GALNT10: variants seen among roughly 807,000 people sequenced by gnomAD.
The protein encoded by GALNT10 is polypeptide N-acetylgalactosaminyltransferase 10.
Under a neutral mutation model 75.0 loss-of-function variants are expected in GALNT10, and 41 were observed. That is an observed-to-expected ratio of 0.55 (90% CI 0.43 to 0.71). The LOEUF (loss-of-function observed/expected upper bound fraction) is 0.71, where lower values mean the gene tolerates loss of function less well. Ranked by LOEUF, GALNT10 falls within the 30% of genes least tolerant of loss-of-function variation. The pLI, the probability that GALNT10 is intolerant of heterozygous loss-of-function variation, is 0.00. For missense variants in GALNT10, 727 were observed against 818.5 expected, an observed-to-expected ratio of 0.89 and a Z score of 1.36; for synonymous variants, 302 against 313.0, an observed-to-expected ratio of 0.96 and a Z score of 0.37.
intron 1 of GALNT10, among the ~76,000 whole-genome samples, chr5:154,216,136 C>A (rs1315640450): frequency 1.3e-5 from 2 of 152,100 alleles, no homozygotes; most frequent in African/African-American, 4.8e-5. Flanking sequence ...TCAGGAGGAT[C>A]TTGGAGATCA....
At chr5:154,281,718 T>C (rs966222274) in intron 1 of GALNT10, among the ~76,000 whole-genome samples, 56 of 152,314 alleles carry the variant, frequency 3.7e-4, no homozygotes, top group African/African-American at 1.3e-3. Context: ...TTTGAATGGT[T>C]CAAACAAGAT....
intron 4 of GALNT10, among the ~76,000 whole-genome samples, chr5:154,372,859 G>C (rs1755595537): frequency 6.6e-6 from 1 of 152,160 alleles, no homozygotes; most frequent in Non-Finnish European, 1.5e-5. Flanking sequence ...GAATCCATCT[G>C]TCAGCTCTGA....
At chr5:154,269,632 A>C (rs1244055079) in intron 1 of GALNT10, among the ~76,000 whole-genome samples, 1 of 152,216 alleles carries the variant, frequency 6.6e-6, no homozygotes, top group Non-Finnish European at 1.5e-5. Flanking sequence ...TGGCAGGCCT[A>C]CTGAACTAGG....
chr5:154,400,849 G>A (rs557883314), intron 7 of GALNT10, among the ~76,000 whole-genome samples: 49 of 152,220 alleles, frequency 3.2e-4, no homozygotes, highest in African/African-American at 1.1e-3. Context: ...GGCTGCACGG[G>A]GCTCTTGGTC....
At chr5:154,333,327 C>G (rs1754894562) in intron 4 of GALNT10, among the ~76,000 whole-genome samples, 1 of 152,206 alleles carries the variant, frequency 6.6e-6, no homozygotes, top group Admixed American at 6.5e-5. Flanking sequence ...CACAGTGCAG[C>G]CTTGTCCCCA....
intron 3 of GALNT10, among the ~76,000 whole-genome samples, chr5:154,310,030 G>T (rs953947325): frequency 2.6e-5 from 4 of 152,160 alleles, no homozygotes; most frequent in African/African-American, 7.2e-5. Flanking sequence ...TGTGGTCAGC[G>T]TTCAGGTTAT....
Position 154,298,960 on chromosome 5 carries a change from G to C in GALNT10, c.401+881G>C, listed in dbSNP as rs144976975. ...TGGGGATGCTGGCGCTGCTTATCTTGGGACCACACTTTGAGAATCACTGCA... is the reference window on the plus strand; with the variant it reads ...TGGGGATGCTGGCGCTGCTTATCTTCGGACCACACTTTGAGAATCACTGCA... On this transcript the variant is annotated intron_variant, in intron 3 of 11. Coordinates refer to ENST00000297107, the MANE Select transcript of GALNT10 (RefSeq NM_198321.4). This position sits in a 1 kb window ranked among gnomAD's most constrained non-coding sequence, Gnocchi z 4.1. Among the ~76,000 whole-genome samples the C allele has an allele frequency of 3.7e-3, 557 of 152,218 alleles. 3 individuals are homozygous for C. Among genetic ancestry groups the C allele is most frequent in the African/African-American group, 0.013 (530 of 41,536 alleles).
intron 4 of GALNT10, among the ~76,000 whole-genome samples, chr5:154,373,583 C>T (rs559756032): frequency 2.0e-5 from 3 of 152,248 alleles, no homozygotes; most frequent in South Asian, 4.2e-4. Context: ...TAGGGAGCTT[C>T]GCATGCAAGC....
intron 3 of GALNT10, among the ~76,000 whole-genome samples, chr5:154,322,631 G>A (rs1377507143): frequency 2.0e-5 from 3 of 152,140 alleles, no homozygotes; most frequent in Non-Finnish European, 2.9e-5. Context: ...GGAGACACAG[G>A]TGGGCAGTTG....
At chr5:154,242,695 G>A (rs1287806715) in intron 1 of GALNT10, among the ~76,000 whole-genome samples, 1 of 152,174 alleles carries the variant, frequency 6.6e-6, no homozygotes, top group African/African-American at 2.4e-5. Flanking sequence ...CTGTGTGACA[G>A]TATTGTCCTG....
intron 1 of GALNT10, among the ~76,000 whole-genome samples, chr5:154,201,499 G>A (rs1167515353): frequency 6.6e-6 from 1 of 152,122 alleles, no homozygotes; most frequent in Admixed American, 6.5e-5. Flanking sequence ...CTCTATCTCA[G>A]CTCAAGAAAC....
chr5:154,270,862 C>T (rs537917905), intron 1 of GALNT10, among the ~76,000 whole-genome samples: 23 of 151,846 alleles, frequency 1.5e-4, no homozygotes, highest in Admixed American at 3.9e-4. Context: ...GGAGTGGTGG[C>T]GCACACCTGT....
intron 1 of GALNT10, among the ~76,000 whole-genome samples, chr5:154,293,613 A>ATATATATATATATATATTTTTTTT: frequency 9.1e-6 from 1 of 109,360 alleles, no homozygotes; most frequent in African/African-American, 4.2e-5. Context: ...ATATATATAT[A>ATATATATATATATATATTTTTTTT]TTTTTTTTTT....
chr5:154,413,584 C>T (rs1420608663), intron 10 of GALNT10, among the ~76,000 whole-genome samples: 2 of 152,150 alleles, frequency 1.3e-5, no homozygotes, highest in Middle Eastern at 6.3e-3. Context: ...GCCTCACCTG[C>T]AGGATGGGTG....
At chr5:154,206,424 C>T (rs1775111188) in intron 1 of GALNT10, among the ~76,000 whole-genome samples, 2 of 152,274 alleles carry the variant, frequency 1.3e-5, no homozygotes, top group African/African-American at 4.8e-5. Flanking sequence ...ACAGCCGCTG[C>T]CTTGAGAGAG....
chr5:154,281,976 G>A (rs1224487605), intron 1 of GALNT10, among the ~76,000 whole-genome samples: 5 of 152,216 alleles, frequency 3.3e-5, no homozygotes, highest in Non-Finnish European at 5.9e-5. Flanking sequence ...CATGAGGCTG[G>A]CTCGTAACCT....
chr5:154,323,810 T>C (rs898692135), intron 3 of GALNT10, among the ~76,000 whole-genome samples: 2 of 152,214 alleles, frequency 1.3e-5, no homozygotes, highest in African/African-American at 4.8e-5. Flanking sequence ...GCAGGCAGAA[T>C]GCTGCTACCA....
chr5:154,216,765 C>T (rs917793509), intron 1 of GALNT10, among the ~76,000 whole-genome samples: 2 of 152,160 alleles, frequency 1.3e-5, no homozygotes, highest in African/African-American at 4.8e-5. Context: ...TTAAATTGTA[C>T]TCCAGGTGGA....
intron 1 of GALNT10, among the ~76,000 whole-genome samples, chr5:154,259,180 C>A (rs1191981820): frequency 6.6e-6 from 1 of 152,030 alleles, no homozygotes; most frequent in Non-Finnish European, 1.5e-5. Flanking sequence ...TCTTTAGTTT[C>A]CTTCAACCTG....
Sources: allele counts gnomAD v4.1 joint callset (sites outside exome capture counted in the v4.1 genomes callset), GRCh38; gene constraint gnomAD v4.1.1; non-coding constraint Gnocchi (gnomAD v3.1); transcripts MANE v1.5; gene names NCBI Gene and HGNC (gene_info 2026-07-23, HGNC 2026-07-21).